DDOST: variants seen among roughly 807,000 people sequenced by gnomAD.
DDOST encodes dolichyl-diphosphooligosaccharide--protein glycosyltransferase 48 kDa subunit.
Under a neutral mutation model 47.6 loss-of-function variants are expected in DDOST, and 25 were observed. The observed-to-expected ratio is 0.53, with a 90% CI of 0.38 to 0.73. DDOST has a LOEUF of 0.73. Among genes scored for constraint, DDOST ranks in the 30% least tolerant of loss-of-function variants. The pLI is 0.00. For missense variants in DDOST, 526 were observed against 573.9 expected, an observed-to-expected ratio of 0.92 and a Z score of 0.85; for synonymous variants, 275 against 236.0, an observed-to-expected ratio of 1.17 and a Z score of -1.51.
chr1:20,658,405 C>T (rs569855783), intron 2 of DDOST, among the ~76,000 whole-genome samples: 40 of 152,382 alleles, frequency 2.6e-4, no homozygotes, highest in Admixed American at 1.7e-3. Context: ...ACCCCTACCC[C>T]GAACCCTGCC....
rs781685198 is a variant in DDOST, at chr1:20,661,011, T to C, written c.155-20A>G. ...CCCGGTCTGGACAAGAAAAAACAGG[T>C]AGTTGAGGAAGACGGGACGCGAAGG... is the stretch of plus-strand genomic sequence containing the variant. On this transcript the variant is annotated intron_variant, in intron 1 of 10. Coordinates refer to ENST00000602624, the MANE Select transcript of DDOST (RefSeq NM_005216.5). The C allele has an allele frequency of 6.3e-7, 1 of 1,580,400 alleles. No individual in the cohort carries two copies. The highest frequency in any genetic ancestry group is 8.7e-7 in the Non-Finnish European group (1 of 1,150,174).
intron 8 of DDOST, 143 bp downstream of exon 8, chr1:20,653,484 G>C: frequency 1.2e-6 from 1 of 808,934 alleles, no homozygotes; most frequent in Non-Finnish European, 1.9e-6. Context: ...CATCTCACCT[G>C]GCATGCTTAG....
intron 2 of DDOST, among the ~76,000 whole-genome samples, chr1:20,659,878 C>A (rs1005721398): frequency 2.6e-5 from 4 of 152,132 alleles, no homozygotes; most frequent in Non-Finnish European, 5.9e-5. Flanking sequence ...CCACTGCACT[C>A]AGCCTGGGGG....
intron 5 of DDOST, 67 bp downstream of exon 5, chr1:20,655,373 C>CT: frequency 7.7e-7 from 1 of 1,300,276 alleles, no homozygotes; most frequent in South Asian, 1.2e-5. Context: ...CCTTGATTTC[C>CT]CAAAAAAATT....
intron 2 of DDOST, 75 bp downstream of exon 2, chr1:20,660,806 C>A: frequency 1.1e-6 from 1 of 877,506 alleles, no homozygotes; most frequent in Admixed American, 2.0e-5. Context: ...AGGACATGCC[C>A]AAGAACCAGA....
intron 2 of DDOST, 157 bp downstream of exon 2, chr1:20,660,724 C>T (rs2053425527): frequency 3.4e-6 from 2 of 592,448 alleles, no homozygotes; most frequent in African/African-American, 3.7e-5. Context: ...CTCCTAGGGT[C>T]AGGTCAGAAA....
chr1:20,659,304 T>C (rs1557574075), intron 2 of DDOST, among the ~76,000 whole-genome samples: 2 of 152,128 alleles, frequency 1.3e-5, no homozygotes, highest in Admixed American at 6.5e-5. Context: ...CTCTCTGTCG[T>C]TTCTCCCACC....
Position 20,652,676 on chromosome 1 carries a change from T to G in DDOST, c.1115A>C (p.Gln372Pro). The change falls in exon 10 of 11, where the codon CAG becomes CCG. Residue 372 changes from glutamine to proline, a missense_variant. Gln to Pro is a moderately conservative substitution (Grantham distance 76). Coordinates refer to ENST00000602624, the MANE Select transcript of DDOST (RefSeq NM_005216.5). ...FKLPDVYGVF[Q>P]FKVDYNRLGY... ...TAGCCGGTTGTAATCCACTTTAAACTGGAATACACCATACACGTCGGGCAA... is the reference window on the plus strand; with the variant it reads ...TAGCCGGTTGTAATCCACTTTAAACGGGAATACACCATACACGTCGGGCAA... The G allele has an allele frequency of 6.2e-7, 1 of 1,614,212 alleles. No homozygotes were observed. The highest frequency in any genetic ancestry group is 8.5e-7 in the Non-Finnish European group (1 of 1,180,038).
Position 20,652,179 on chromosome 1 carries a change from T to A in DDOST, c.*200A>T, listed in dbSNP as rs1335507025. ...ACTGCACATAGGAAAAATGCCACTT[T>A]TAGCAATTCAAAGTGGAAAAACTTC... On this transcript the variant is annotated 3_prime_UTR_variant, in exon 11 of 11. Transcript: ENST00000602624. 6 of 513,648 alleles carry A rather than the reference T, an allele frequency of 1.2e-5. No homozygotes were observed. Among genetic ancestry groups the A allele is most frequent in the Non-Finnish European group, 2.0e-5 (6 of 303,494 alleles). 31.8% of individuals were successfully genotyped at this position (513,648 alleles called of 1,614,324 possible).
rs143820430 is a variant in DDOST, at chr1:20,657,645, C to A, written c.266-1458G>T. Among the ~76,000 whole-genome samples, 19 of 152,228 alleles carry A rather than the reference C, an allele frequency of 1.2e-4. 1 individual carries two copies. The highest frequency in any genetic ancestry group is 3.6e-4 in the African/African-American group (15 of 41,532). On this transcript the variant is annotated intron_variant, in intron 2 of 10. Coordinates refer to ENST00000602624, the MANE Select transcript of DDOST (RefSeq NM_005216.5). ...GGACAGAGAAGTGTGTCCATTAGAC[C>A]CTCAGTAGCAGGTGGAAATGACTTT...
Position 20,654,271 on chromosome 1 carries a change from TCGCTGAAGAAGTCGAGGGAGC to T in DDOST, c.725_745del (p.Gly242_Ser248del). On this transcript the variant is annotated inframe_deletion, in exon 7 of 11. Coordinates refer to ENST00000602624, the MANE Select transcript of DDOST (RefSeq NM_005216.5). ...CTGCACTGCTGAGTTGAAGAAGGAG[TCGCTGAAGAAGTCGAGGGAGC>T]CGCTGAAGATGACGCGGGCATTGTT... 1 of 1,549,822 alleles carries T rather than the reference TCGCTGAAGAAGTCGAGGGAGC, an allele frequency of 6.5e-7. No homozygotes were observed. Among genetic ancestry groups the T allele is most frequent in the Non-Finnish European group, 8.7e-7 (1 of 1,146,710 alleles).
rs148132617 is a variant in DDOST, at chr1:20,657,905, G to A, written c.266-1718C>T. ...AGTGCAGTGGTTTGCAATCTTGGCC[G>A]ATTTTGCCCCTCAGAGCAATGTCTG... On this transcript the variant is annotated intron_variant, in intron 2 of 10. Coordinates refer to ENST00000602624, the MANE Select transcript of DDOST (RefSeq NM_005216.5). 7.3e-4 allele frequency among the ~76,000 whole-genome samples: 111 copies of A among 152,290 alleles called. No individual in the cohort carries two copies. In the East Asian group the frequency reaches 0.021, roughly 29 times the overall value.
chr1:20,656,017 T>C, intron 3 of DDOST, 84 bp downstream of exon 3: 1 of 1,208,040 alleles, frequency 8.3e-7, no homozygotes, highest in Non-Finnish European at 1.2e-6. Flanking sequence ...ACCCAGTGAA[T>C]GCTAATTTGG....
intron 3 of DDOST, 92 bp from the exon 4 acceptor site, chr1:20,655,871 C>A: frequency 9.3e-7 from 1 of 1,070,810 alleles, no homozygotes; most frequent in South Asian, 1.3e-5. Flanking sequence ...TCTCTGTCAG[C>A]CCCAGTGCCC....
At chr1:20,658,177 C>T (rs1449669100) in intron 2 of DDOST, among the ~76,000 whole-genome samples, 1 of 152,246 alleles carries the variant, frequency 6.6e-6, no homozygotes, top group Non-Finnish European at 1.5e-5. Context: ...ACTTCCCCAT[C>T]TATAACAGGG....
At chr1:20,660,856 G>A (rs1276367162) in intron 2 of DDOST, 25 bp downstream of exon 2, 1 of 1,412,854 alleles carries the variant, frequency 7.1e-7, no homozygotes, top group South Asian at 1.2e-5. Flanking sequence ...GAATTCCAGT[G>A]CTAGGGGCGA....
chr1:20,652,289 C>T lies in DDOST; in HGVS notation c.*90G>A, dbSNP rs1407056233. On this transcript the variant is annotated 3_prime_UTR_variant, in exon 11 of 11. Transcript: ENST00000602624. ...GAGGTAAAGTTGTGCCATTTTCCCA[C>T]GGCTTTAAACAAAGCAAAACAAAAC... The T allele has an allele frequency of 9.7e-6, 13 of 1,335,536 alleles. No homozygotes were observed. Among genetic ancestry groups the T allele is most frequent in the African/African-American group, 3.0e-5 (2 of 67,706 alleles). The allele number at this position is 1,335,536 out of a possible 1,614,324, so 82.7% of individuals were successfully genotyped here.
intron 2 of DDOST, among the ~76,000 whole-genome samples, chr1:20,656,487 T>C (rs1476538006): frequency 6.6e-6 from 1 of 152,194 alleles, no homozygotes; most frequent in Non-Finnish European, 1.5e-5. Flanking sequence ...TCAACTCACA[T>C]AGGAAATATG....
At chr1:20,657,164 G>T (rs1436204880) in intron 2 of DDOST, among the ~76,000 whole-genome samples, 1 of 152,192 alleles carries the variant, frequency 6.6e-6, no homozygotes, top group Non-Finnish European at 1.5e-5. Flanking sequence ...CCCCGAGGGG[G>T]GTGGGCACGG....
Sources: allele counts gnomAD v4.1 joint callset (sites outside exome capture counted in the v4.1 genomes callset), GRCh38; gene constraint gnomAD v4.1.1; transcripts MANE v1.5; gene names NCBI Gene and HGNC (gene_info 2026-07-23, HGNC 2026-07-21).